Variants in FBXO34 observed in about 807,000 individuals in gnomAD.
FBXO34 encodes the protein F-box protein 34, also known as F-box only protein 34.
FBXO34 carries 12 observed loss-of-function variants against 24.5 expected under a neutral mutation model. That is an observed-to-expected ratio of 0.49 (90% CI 0.31 to 0.79). The LOEUF (loss-of-function observed/expected upper bound fraction) is 0.79, where lower values mean the gene tolerates loss of function less well. FBXO34 is among the 30% of genes least tolerant of loss of function. The probability of loss-of-function intolerance (pLI) is 0.04; values close to 1 mark genes in which losing one functional copy is unlikely to be tolerated. For synonymous variants in FBXO34, 320 were observed against 311.9 expected (o/e 1.03, Z -0.27); for missense variants, 823 against 857.7 (o/e 0.96, Z 0.51).
At chr14:55,427,832 T>TATAC in the FBXO34 span, among the ~76,000 whole-genome samples, 1 of 145,108 alleles carries the variant, frequency 6.9e-6, no homozygotes, top group Non-Finnish European at 1.5e-5. Flanking sequence ...TGCAGCTATA[T>TATAC]ACACACACAC....
At chr14:55,278,718 T>TG (rs1211966886) in intron 1 of FBXO34, among the ~76,000 whole-genome samples, 2 of 152,194 alleles carry the variant, frequency 1.3e-5, no homozygotes, top group Admixed American at 1.3e-4. Context: ...GACAGGTGCT[T>TG]GATCTGTTGC....
the FBXO34 span, among the ~76,000 whole-genome samples, chr14:55,378,266 C>G: frequency 3.3e-5 from 5 of 152,224 alleles, no homozygotes; most frequent in African/African-American, 1.2e-4. Flanking sequence ...ATACAAATTA[C>G]AAATGCACAT....
chr14:55,364,136 A>T (rs1324512337), downstream of FBXO34, among the ~76,000 whole-genome samples: 4 of 151,222 alleles, frequency 2.6e-5, no homozygotes, highest in Admixed American at 2.6e-4. Context: ...TTTAGTAGAG[A>T]CCGGGTTTCT....
chr14:55,420,845 G>T, the FBXO34 span, among the ~76,000 whole-genome samples: 11 of 152,124 alleles, frequency 7.2e-5, no homozygotes, highest in African/African-American at 2.7e-4. Context: ...GGATCACGAG[G>T]TCAGGAGATC....
At chr14:55,374,818 T>A (rs563313622), downstream of FBXO34, among the ~76,000 whole-genome samples, 1 of 152,348 alleles carries the variant, frequency 6.6e-6, no homozygotes, top group African/African-American at 2.4e-5. Flanking sequence ...TTTCCACATA[T>A]ACAAGAGTCT....
intron 1 of FBXO34, among the ~76,000 whole-genome samples, chr14:55,283,123 A>T (rs1881616856): frequency 6.6e-6 from 1 of 152,208 alleles, no homozygotes; most frequent in South Asian, 2.1e-4. Flanking sequence ...ACTATATTTT[A>T]GCTCATTTGT....
chr14:55,317,063 T>C (rs532024855), intron 1 of FBXO34, among the ~76,000 whole-genome samples: 1 of 152,266 alleles, frequency 6.6e-6, no homozygotes, highest in African/African-American at 2.4e-5. Flanking sequence ...GTTTCTCCTT[T>C]TAGAATAATG....
intron 1 of FBXO34, among the ~76,000 whole-genome samples, chr14:55,290,741 AAAG>A (rs1396560496): frequency 1.3e-5 from 2 of 152,224 alleles, no homozygotes; most frequent in African/African-American, 4.8e-5. Flanking sequence ...ATCTGAATGC[AAAG>A]AAGGTTGAGA....
At chr14:55,386,003 T>C in the FBXO34 span, 1 of 1,614,228 alleles carries the variant, frequency 6.2e-7, no homozygotes, top group Non-Finnish European at 8.5e-7. Context: ...TTTGCGATTA[T>C]GCCTCTGAAT....
the FBXO34 span, chr14:55,436,597 G>C: frequency 3.7e-6 from 6 of 1,614,176 alleles, no homozygotes; most frequent in Middle Eastern, 3.3e-4. Context: ...TTCTGAAATA[G>C]GGGTCATTGG....
chr14:55,289,597 A>G (rs754937926), intron 1 of FBXO34, among the ~76,000 whole-genome samples: 7 of 152,176 alleles, frequency 4.6e-5, no homozygotes, highest in Non-Finnish European at 8.8e-5. Flanking sequence ...GTGCAGTGGC[A>G]TGATCACAGT....
intron 1 of FBXO34, chr14:55,318,408 A>G (rs1285990558): frequency 1.0e-3 from 14 of 13,964 alleles, no homozygotes; most frequent in Non-Finnish European, 1.5e-3. Flanking sequence ...ATATATATAT[A>G]TATGCAGTCA....
downstream of FBXO34, among the ~76,000 whole-genome samples, chr14:55,358,130 C>G (rs924534785): frequency 6.6e-6 from 1 of 151,728 alleles, no homozygotes; most frequent in Non-Finnish European, 1.5e-5. Context: ...GGGTGTGTGG[C>G]CTGTCTTGAG....
chr14:55,330,153 A>G (rs558332754), intron 1 of FBXO34, among the ~76,000 whole-genome samples: 2 of 152,318 alleles, frequency 1.3e-5, no homozygotes, highest in East Asian at 1.9e-4. Flanking sequence ...CTTAATTGCT[A>G]ACAAACAGCG....
At chr14:55,432,909 C>T in the FBXO34 span, among the ~76,000 whole-genome samples, 1 of 152,186 alleles carries the variant, frequency 6.6e-6, no homozygotes, top group Non-Finnish European at 1.5e-5. Flanking sequence ...TGAGCTAATG[C>T]AAGCTAATGC....
At position 55,331,676 on chromosome 14, in the gene FBXO34, T is replaced by A. The variant is rs1883546627; in HGVS notation, c.-10-18705T>A. 2.8e-5 allele frequency among the ~76,000 whole-genome samples: 2 copies of A among 70,950 alleles called. 1 individual carries two copies. The highest frequency in any genetic ancestry group is 2.8e-4 in the Admixed American group (2 of 7,208). The allele number at this position is 70,950 out of a possible 152,430, so 46.5% of individuals were successfully genotyped here. On this transcript the variant is annotated intron_variant, in intron 1 of 1. Transcript: ENST00000313833. ...TATATACCAACATGGTGTGTGTATA[T>A]ATATATATGTGTATATATATATATA...
At chr14:55,334,635 A>G (rs1399154428) in intron 1 of FBXO34, among the ~76,000 whole-genome samples, 2 of 152,210 alleles carry the variant, frequency 1.3e-5, no homozygotes. Flanking sequence ...ATGCTCACAA[A>G]GCAGAGAGGA....
At chr14:55,377,845 G>T in the FBXO34 span, 1 of 1,599,972 alleles carries the variant, frequency 6.3e-7, no homozygotes, top group South Asian at 1.1e-5. Context: ...AGCTTGGACT[G>T]ACCAGGTACA....
At chr14:55,438,412 C>G in the FBXO34 span, among the ~76,000 whole-genome samples, 2 of 152,226 alleles carry the variant, frequency 1.3e-5, no homozygotes, top group Non-Finnish European at 2.9e-5. Context: ...CCACCCTCAA[C>G]CCACAGAGTG....
Sources: allele counts gnomAD v4.1 joint callset (sites outside exome capture counted in the v4.1 genomes callset), GRCh38; gene constraint gnomAD v4.1.1; transcripts MANE v1.5; gene names NCBI Gene and HGNC (gene_info 2026-07-23, HGNC 2026-07-21).